The following GRID2 variants were observed in gnomAD, a reference collection of about 807,000 sequenced individuals.
The protein encoded by GRID2 is glutamate ionotropic receptor delta type subunit 2.
Under a neutral mutation model 114.8 loss-of-function variants are expected in GRID2, and 33 were observed. The observed-to-expected ratio is 0.29, with a 90% confidence interval of 0.22 to 0.38. GRID2 has a LOEUF of 0.38. Ranked by LOEUF, GRID2 falls within the 10% of genes least tolerant of loss-of-function variation. The pLI is 1.00. For synonymous variants in GRID2, 505 were observed against 449.9 expected, an observed-to-expected ratio of 1.12 and a Z score of -1.55; for missense variants, 1,184 against 1,257.7, an observed-to-expected ratio of 0.94 and a Z score of 0.89.
At chr4:92,474,699 A>G (rs554464663) in intron 1 of GRID2, among the ~76,000 whole-genome samples, 11 of 151,982 alleles carry the variant, frequency 7.2e-5, no homozygotes, top group African/African-American at 1.2e-4. Flanking sequence ...CTTATTTACA[A>G]TAGTGTGAAG....
intron 13 of GRID2, among the ~76,000 whole-genome samples, chr4:93,578,392 C>T (rs946426867): frequency 1.3e-5 from 2 of 151,858 alleles, no homozygotes; most frequent in East Asian, 1.9e-4. Context: ...AAAGATTATA[C>T]TGTTAAAAGT....
At chr4:92,914,999 T>C (rs934765984) in intron 2 of GRID2, among the ~76,000 whole-genome samples, 2 of 152,170 alleles carry the variant, frequency 1.3e-5, no homozygotes, top group Non-Finnish European at 2.9e-5. Context: ...ACAGATTCAA[T>C]TGACTCACAG....
intron 2 of GRID2, among the ~76,000 whole-genome samples, chr4:92,964,110 G>T (rs1752987119): frequency 6.6e-6 from 1 of 151,976 alleles, no homozygotes; most frequent in Non-Finnish European, 1.5e-5. Flanking sequence ...AGGACACAGG[G>T]AGGATAGATT....
intron 1 of GRID2, among the ~76,000 whole-genome samples, chr4:92,322,514 A>G (rs1237862904): frequency 6.6e-6 from 1 of 152,178 alleles, no homozygotes; most frequent in African/African-American, 2.4e-5. Context: ...TGTGTGTATC[A>G]AAGTATCTCA....
chr4:92,530,332 G>A (rs1223067155), intron 1 of GRID2, among the ~76,000 whole-genome samples: 1 of 151,834 alleles, frequency 6.6e-6, no homozygotes, highest in South Asian at 2.1e-4. Context: ...ATTACTAAAA[G>A]TAATGCCTTG....
intron 11 of GRID2, among the ~76,000 whole-genome samples, chr4:93,484,268 T>G (rs1200571939): frequency 6.6e-6 from 1 of 151,876 alleles, no homozygotes; most frequent in Non-Finnish European, 1.5e-5. Context: ...TCAATCATTT[T>G]TCACTCTTCC....
At chr4:92,964,020 C>T (rs1009041719) in intron 2 of GRID2, among the ~76,000 whole-genome samples, 4 of 152,092 alleles carry the variant, frequency 2.6e-5, no homozygotes, top group East Asian at 3.9e-4. Flanking sequence ...AGCACCAGTT[C>T]GCAGCAGTGG....
intron 13 of GRID2, among the ~76,000 whole-genome samples, chr4:93,537,591 T>A (rs1325127790): frequency 6.6e-6 from 1 of 151,748 alleles, no homozygotes; most frequent in Admixed American, 6.6e-5. Flanking sequence ...TTGGTTCCTG[T>A]GAGATAAAAT....
chr4:93,511,649 G>T (rs1322208712), intron 12 of GRID2, among the ~76,000 whole-genome samples: 1 of 152,120 alleles, frequency 6.6e-6, no homozygotes, highest in Non-Finnish European at 1.5e-5. Flanking sequence ...CTCAGAGTGA[G>T]CATTCACTGA....
intron 8 of GRID2, among the ~76,000 whole-genome samples, chr4:93,323,258 T>C (rs1267876108): frequency 6.6e-6 from 1 of 152,246 alleles, no homozygotes; most frequent in Non-Finnish European, 1.5e-5. Flanking sequence ...TTCAGCTTTC[T>C]ACATATGGCT....
At chr4:92,923,796 C>G (rs1408241678) in intron 2 of GRID2, among the ~76,000 whole-genome samples, 2 of 151,986 alleles carry the variant, frequency 1.3e-5, no homozygotes, top group Non-Finnish European at 2.9e-5. Context: ...TGAAATTATT[C>G]AGTCCTCCTG....
chr4:92,990,888 G>C (rs1754859826), intron 2 of GRID2, among the ~76,000 whole-genome samples: 1 of 152,070 alleles, frequency 6.6e-6, no homozygotes, highest in South Asian at 2.1e-4. Flanking sequence ...AAGTCTGAAT[G>C]TACTTTAGTT....
At position 93,490,402 on chromosome 4, in the gene GRID2, G is replaced by A. The variant is rs17020679; in HGVS notation, c.1859-237G>A. Among the ~76,000 whole-genome samples, 7,977 of 151,840 alleles carry A rather than the reference G, an allele frequency of 0.053. 363 individuals are homozygous for A. The highest frequency in any genetic ancestry group is 0.12 in the African/African-American group (5,123 of 41,440). On this transcript the variant is annotated intron_variant, in intron 11 of 15. Coordinates refer to ENST00000282020, the MANE Select transcript of GRID2 (RefSeq NM_001510.4). ...TATAGGGTTGAACAGGAAGGGGGAAGAACTATCATTTAAACATGTTATACT... is the reference window on the plus strand; with the variant it reads ...TATAGGGTTGAACAGGAAGGGGGAAAAACTATCATTTAAACATGTTATACT...
chr4:92,829,682 C>A (rs1405512334), intron 2 of GRID2, among the ~76,000 whole-genome samples: 2 of 152,056 alleles, frequency 1.3e-5, no homozygotes, highest in Non-Finnish European at 2.9e-5. Context: ...GGAACCAACC[C>A]AAATGCCCAT....
At chr4:93,290,090 T>A (rs1753577400) in intron 8 of GRID2, among the ~76,000 whole-genome samples, 1 of 152,198 alleles carries the variant, frequency 6.6e-6, no homozygotes, top group African/African-American at 2.4e-5. Context: ...GAATATACCA[T>A]GTAAGCCACT....
intron 2 of GRID2, among the ~76,000 whole-genome samples, chr4:92,981,798 C>T (rs986690812): frequency 1.3e-5 from 2 of 151,760 alleles, no homozygotes; most frequent in Non-Finnish European, 2.9e-5. Context: ...AATATAGAGA[C>T]TAATAACAAA....
chr4:93,412,556 A>T (rs960506130), intron 9 of GRID2, among the ~76,000 whole-genome samples: 1 of 152,124 alleles, frequency 6.6e-6, no homozygotes, highest in Non-Finnish European at 1.5e-5. Context: ...TAATATAAAA[A>T]ATTTACAGCC....
At chr4:93,739,411 A>C (rs1731188902) in intron 14 of GRID2, among the ~76,000 whole-genome samples, 1 of 152,076 alleles carries the variant, frequency 6.6e-6, no homozygotes, top group African/African-American at 2.4e-5. Flanking sequence ...TGCCACATAG[A>C]TTCAGGTGCT....
chr4:93,533,636 C>T (rs375850330), intron 13 of GRID2, among the ~76,000 whole-genome samples: 1 of 150,362 alleles, frequency 6.7e-6, no homozygotes, highest in East Asian at 2.0e-4. Context: ...GTGATCCACC[C>T]ACCTCGGCCT....
Sources: gnomAD v4.1 joint callset for allele counts (sites outside exome capture counted in the v4.1 genomes callset) on GRCh38, gnomAD v4.1.1 for gene constraint, MANE v1.5 for transcripts, NCBI Gene and HGNC (gene_info 2026-07-23, HGNC 2026-07-21) for gene names.